The following CERS1 variants were observed in gnomAD, a reference collection of about 807,000 sequenced individuals.
CERS1 encodes the protein ceramide synthase 1, also known as Embryonic growth/differentiation factor 1.
In CERS1, 16 loss-of-function variants were observed where a neutral mutation model predicts 35.7. That is an observed-to-expected ratio of 0.45 (90% CI 0.30 to 0.68). The LOEUF (loss-of-function observed/expected upper bound fraction) is 0.68. Among genes scored for constraint, CERS1 ranks in the 30% least tolerant of loss-of-function variants. The pLI is 0.08. For synonymous variants in CERS1, 243 were observed against 201.6 expected (o/e 1.21, Z -1.74); for missense variants, 454 against 453.9 (o/e 1.00, Z 0.00).
At position 18,868,926 on chromosome 19, in the gene CERS1, C is replaced by T. The variant is rs1022227174; in HGVS notation, c.*1059G>A. Reference sequence around the variant, plus strand: ...AGCCGCCGCGCGCGACAAGCGCCCCCGGGGCCGCCGCCCAACACGGGTTCG... The same window carrying T: ...AGCCGCCGCGCGCGACAAGCGCCCCTGGGGCCGCCGCCCAACACGGGTTCG... On this transcript the variant is annotated 3_prime_UTR_variant, in exon 8 of 8. Coordinates refer to ENST00000623882, the MANE Select transcript of CERS1 (RefSeq NM_021267.5). The T allele has an allele frequency of 3.8e-6, 5 of 1,331,408 alleles. No individual in the cohort carries two copies. The highest frequency in any genetic ancestry group is 4.3e-5 in the East Asian group (1 of 23,272). 82.5% of individuals were successfully genotyped at this position (1,331,408 alleles called of 1,614,324 possible).
chr19:18,871,725 G>T (rs532424083), intron 6 of CERS1, among the ~76,000 whole-genome samples: 1 of 152,182 alleles, frequency 6.6e-6, no homozygotes, highest in Non-Finnish European at 1.5e-5. Flanking sequence ...CCAACTGGCT[G>T]TCCCCATCCA....
At chr19:18,893,721 T>C in intron 1 of CERS1, 146 bp from the exon 2 acceptor site, 1 of 821,144 alleles carries the variant, frequency 1.2e-6, no homozygotes, top group Non-Finnish European at 1.9e-6. Flanking sequence ...ACCTGGAGCA[T>C]AAACAGAGCC....
chr19:18,895,878 G>C lies in CERS1; in HGVS notation c.195C>G (p.Leu65=). 1 of 1,282,964 alleles carries C rather than the reference G, an allele frequency of 7.8e-7. No individual in the cohort carries two copies. Among genetic ancestry groups the C allele is most frequent in the Non-Finnish European group, 9.8e-7 (1 of 1,016,170 alleles). The allele number at this position is 1,282,964 out of a possible 1,614,324, so 79.5% of individuals were successfully genotyped here. ...GCAGGGCGGTCCAGCCCAGCGCGCCGAGCGCCAGCAGCAGCAGCTCGGGCG... is the reference window on the plus strand; with the variant it reads ...GCAGGGCGGTCCAGCCCAGCGCGCCCAGCGCCAGCAGCAGCAGCTCGGGCG... ...LAPPELLLLA[L]GALGWTALRS... The change falls in exon 1 of 8, where the codon CTC becomes CTG. Residue 65 remains leucine, a synonymous_variant. Coordinates refer to ENST00000623882, the MANE Select transcript of CERS1 (RefSeq NM_021267.5). The surrounding 1 kb of genome is among the most constrained non-coding windows in gnomAD (Gnocchi z 6.4).
upstream of CERS1, among the ~76,000 whole-genome samples, chr19:18,896,924 C>CG (rs34047779): frequency 0.47 from 62,145 of 131,388 alleles, 14,342 homozygotes; most frequent in Middle Eastern, 0.61. This position sits in a 1 kb window ranked among gnomAD's most constrained non-coding sequence, Gnocchi z 5.9. Flanking sequence ...CTGGGGAACC[C>CG]GGGGGGGGGG....
rs369297915 is a variant in CERS1, at chr19:18,880,325, C to T, written c.701G>A (p.Arg234Gln). 45 of 1,554,150 alleles carry T rather than the reference C, an allele frequency of 2.9e-5. No homozygotes were observed. Among genetic ancestry groups the T allele is most frequent in the East Asian group, 2.2e-4 (9 of 41,222 alleles). Residue 234 changes from arginine (R) to glutamine (Q), a missense_variant, in exon 4 of 8, where the codon CGG (arginine) becomes CAG (glutamine). Arg to Gln is a conservative substitution (Grantham distance 43). Coordinates refer to ENST00000623882, the MANE Select transcript of CERS1 (RefSeq NM_021267.5). ...YFKSRGGSYH[R>Q]LHALAADLGC... ...CAAGTCTGCTGCCAAGGCATGCAGC[C>T]GATGGTAGGAGCCGCCGCGGGACTT...
chr19:18,875,429 G>C lies in CERS1; in HGVS notation c.1010+3501C>G, dbSNP rs868708568. 2.1e-3 allele frequency among the ~76,000 whole-genome samples: 324 copies of C among 151,934 alleles called. 2 individuals are homozygous for C. Among genetic ancestry groups the C allele is most frequent in the African/African-American group, 7.4e-3 (307 of 41,396 alleles). ...CTGGTGACACACGCCTGTAGTCCCA[G>C]CTACTCAGGAGGCTGAGGCAGGAGA... On this transcript the variant is annotated intron_variant, in intron 6 of 7. Transcript: ENST00000623882.
intron 3 of CERS1, 148 bp downstream of exon 3, chr19:18,883,939 G>T: frequency 2.6e-6 from 2 of 764,786 alleles, no homozygotes; most frequent in Non-Finnish European, 4.0e-6. Context: ...CCCCTCGTCG[G>T]ACCCCTGAGC....
At chr19:18,886,332 A>G (rs192423716) in intron 2 of CERS1, among the ~76,000 whole-genome samples, 24 of 152,138 alleles carry the variant, frequency 1.6e-4, no homozygotes, top group East Asian at 7.7e-4. Flanking sequence ...GGCGGATCAC[A>G]AGGTCAGGAG....
rs1403757016 is a variant in CERS1 at position 18,895,838 on chromosome 19, C to T, written c.235G>A (p.Ala79Thr). 7.7e-7 allele frequency: 1 copy of T among 1,296,702 alleles called. No individual in the cohort carries two copies. The highest frequency in any genetic ancestry group is 4.1e-5 in the Admixed American group (1 of 24,540). The allele number at this position is 1,296,702 out of a possible 1,614,324, so 80.3% of individuals were successfully genotyped here. Residue 79 changes from alanine (A) to threonine (T), a missense_variant, in exon 1 of 8, where the codon GCG (alanine) becomes ACG (threonine). By Grantham distance (58) the Ala-to-Thr change is moderately conservative (BLOSUM62 0). Transcript: ENST00000623882. This position sits in a 1 kb window ranked among gnomAD's most constrained non-coding sequence, Gnocchi z 6.4. Reference protein sequence around the residue: ...GWTALRSAATARLFRPLAKRC... With the variant: ...GWTALRSAATTRLFRPLAKRC... Reference sequence around the variant, plus strand: ...GCCACACTGACCCGAAAGAGGCGCGCAGTGGCCGCGGAGCGCAGGGCGGTC... The same window carrying T: ...GCCACACTGACCCGAAAGAGGCGCGTAGTGGCCGCGGAGCGCAGGGCGGTC...
chr19:18,893,393 G>A (rs557536141), intron 2 of CERS1, 23 bp downstream of exon 2: 17 of 1,587,232 alleles, frequency 1.1e-5, no homozygotes, highest in African/African-American at 2.7e-5. Context: ...GAGCCCTCCC[G>A]GCCATCCCCT....
chr19:18,883,440 G>T (rs1417272212), intron 3 of CERS1: 2 of 152,208 alleles, frequency 1.3e-5, no homozygotes, highest in Non-Finnish European at 2.9e-5. Context: ...AGCTGAGGTG[G>T]GAGGATCACT....
In CERS1 at chr19:18,884,068, C is replaced by T. The variant is rs1236481461; in HGVS notation, c.590+19G>A. ...TGTGGGCTGTGCCTCGGCCCCCTGCCACCCGATCCTGTCCTTACCGGAAGG... is the reference window on the plus strand; with the variant it reads ...TGTGGGCTGTGCCTCGGCCCCCTGCTACCCGATCCTGTCCTTACCGGAAGG... On this transcript the variant is annotated intron_variant, in intron 3 of 7. Transcript: ENST00000623882. 6.9e-6 allele frequency: 11 copies of T among 1,603,392 alleles called. No individual in the cohort carries two copies. The highest frequency in any genetic ancestry group is 9.4e-6 in the Non-Finnish European group (11 of 1,172,714).
In CERS1 at chr19:18,870,615, G is replaced by A; in HGVS notation, c.1015C>T (p.Pro339Ser). 1.7e-6 allele frequency: 1 copy of A among 578,886 alleles called. No homozygotes were observed. The highest frequency in any genetic ancestry group is 3.1e-6 in the Non-Finnish European group (1 of 319,700). The allele number at this position is 578,886 out of a possible 1,614,324, so 35.9% of individuals were successfully genotyped here. ...QSLKPSKAEK[P>S]LRNGLVKDKR... ...TCCTTCACCAGGCCGTTCCTCAGTG[G>A]CTTCCTGGGGGTCAGAACCGGCGCA... Residue 339 changes from proline (P) to serine (S), a missense_variant, in exon 7 of 8, where the codon CCA becomes TCA. Coordinates refer to ENST00000623882, the MANE Select transcript of CERS1 (RefSeq NM_021267.5). The surrounding 1 kb of genome is among the most constrained non-coding windows in gnomAD (Gnocchi z 5.1).
rs1377289578 is a variant in CERS1, at chr19:18,868,841, A to G, written c.*1144T>C. 21 of 1,451,530 alleles carry G rather than the reference A, an allele frequency of 1.4e-5. 1 individual carries two copies. In the South Asian group the frequency reaches 2.0e-4, roughly 14 times the overall value. 89.9% of individuals were successfully genotyped at this position (1,451,530 alleles called of 1,614,324 possible). On this transcript the variant is annotated 3_prime_UTR_variant, in exon 8 of 8. Coordinates refer to ENST00000623882, the MANE Select transcript of CERS1 (RefSeq NM_021267.5). Reference sequence around the variant, plus strand: ...GCACTGACCCTGGCAGTAGTTGGCCAGGAAGCCGCGCGGCGCGATGACCCA... The same window carrying G: ...GCACTGACCCTGGCAGTAGTTGGCCGGGAAGCCGCGCGGCGCGATGACCCA...
chr19:18,884,001 G>T, intron 3 of CERS1, 86 bp downstream of exon 3: 1 of 1,410,202 alleles, frequency 7.1e-7, no homozygotes, highest in Non-Finnish European at 9.6e-7. Context: ...CCCCTCCACG[G>T]CCTCCTCTGT....
At chr19:18,869,672 G>A (rs1601145187) in intron 7 of CERS1, among the ~76,000 whole-genome samples, 2 of 140,812 alleles carry the variant, frequency 1.4e-5, no homozygotes, top group South Asian at 4.8e-4. Flanking sequence ...GGCCCCTGGG[G>A]AAGCCATGCT....
chr19:18,870,645 A>G lies in CERS1; in HGVS notation c.1011-26T>C. 1 of 533,828 alleles carries G rather than the reference A, an allele frequency of 1.9e-6. No homozygotes were observed. Among genetic ancestry groups the G allele is most frequent in the Middle Eastern group, 2.9e-4 (1 of 3,476 alleles). The allele number at this position is 533,828 out of a possible 1,614,324, so 33.1% of individuals were successfully genotyped here. On this transcript the variant is annotated intron_variant, in intron 6 of 7. Transcript: ENST00000623882. The surrounding 1 kb of genome is among the most constrained non-coding windows in gnomAD (Gnocchi z 5.1). ...CTGGGGGTCAGAACCGGCGCAGGTT[A>G]GCCTGGGAGCCCCACGCGGCCGCCT... is the stretch of plus-strand genomic sequence containing the variant.
chr19:18,885,005 C>T lies in CERS1; in HGVS notation c.410-738G>A, dbSNP rs527934941. Among the ~76,000 whole-genome samples the T allele has an allele frequency of 3.3e-5, 5 of 152,074 alleles. No individual in the cohort carries two copies. In the East Asian group the frequency reaches 5.8e-4, roughly 18 times the overall value. Reference sequence around the variant, plus strand: ...TGCTGGGATTACAGGCGTGAGCCACCGTGCCCGGCCAGCAGGGATTTTTAT... The same window carrying T: ...TGCTGGGATTACAGGCGTGAGCCACTGTGCCCGGCCAGCAGGGATTTTTAT... On this transcript the variant is annotated intron_variant, in intron 2 of 7. Transcript: ENST00000623882.
intron 3 of CERS1, chr19:18,881,780 C>CTCA (rs1422991084): frequency 6.6e-6 from 1 of 152,232 alleles, no homozygotes; most frequent in East Asian, 1.9e-4. Flanking sequence ...TGCTCATCTG[C>CTCA]TCATCTGTCA....
Sources: allele counts gnomAD v4.1 joint callset (sites outside exome capture counted in the v4.1 genomes callset), GRCh38; gene constraint gnomAD v4.1.1; non-coding constraint Gnocchi (gnomAD v3.1); transcripts MANE v1.5; gene names NCBI Gene and HGNC (gene_info 2026-07-23, HGNC 2026-07-21).